USH2A: variants seen among roughly 807,000 people sequenced by gnomAD.
USH2A encodes usherin, also known as Usher syndrome 2A (autosomal recessive, mild).
A neutral mutation model predicts 538.9 loss-of-function variants in USH2A; 443 were observed. The observed-to-expected ratio is 0.82, with a 90% CI of 0.76 to 0.89. The LOEUF is 0.89. Among genes scored for constraint, USH2A ranks in the 40% least tolerant of loss-of-function variants. USH2A has a pLI of 0.00. For synonymous variants in USH2A, 2,413 were observed against 2,273.5 expected (o/e 1.06, Z -1.75); for missense variants, 6,633 against 6,324.8 (o/e 1.05, Z -1.65).
chr1:215,700,643 C>G (rs1424407061), intron 61 of USH2A, among the ~76,000 whole-genome samples: 2 of 152,132 alleles, frequency 1.3e-5, no homozygotes, highest in Non-Finnish European at 2.9e-5. Context: ...TCTGTGGGAT[C>G]AGTAGCGATA....
intron 37 of USH2A, among the ~76,000 whole-genome samples, chr1:215,951,983 G>A (rs1311220531): frequency 6.6e-6 from 1 of 151,344 alleles, no homozygotes; most frequent in Non-Finnish European, 1.5e-5. Flanking sequence ...TCCTGCCTCA[G>A]CCTCCCGAGT....
intron 9 of USH2A, among the ~76,000 whole-genome samples, chr1:216,301,044 C>A (rs1483309603): frequency 6.6e-6 from 1 of 151,994 alleles, no homozygotes; most frequent in African/African-American, 2.4e-5. Context: ...GCCACCATGA[C>A]AAGCCACACA....
At chr1:216,280,631 A>AT (rs2036756096) in intron 11 of USH2A, among the ~76,000 whole-genome samples, 1 of 152,152 alleles carries the variant, frequency 6.6e-6, no homozygotes, top group African/African-American at 2.4e-5. Context: ...TGGCATCAGT[A>AT]TTTTTAGGAT....
intron 32 of USH2A, among the ~76,000 whole-genome samples, chr1:216,033,809 C>T (rs2102513812): frequency 6.6e-6 from 1 of 152,240 alleles, no homozygotes; most frequent in South Asian, 2.1e-4. Flanking sequence ...GCACTCCATC[C>T]AGCCTGGGTG....
At chr1:216,295,450 C>T (rs1472685739) in intron 9 of USH2A, among the ~76,000 whole-genome samples, 2 of 151,410 alleles carry the variant, frequency 1.3e-5, no homozygotes, top group South Asian at 2.1e-4. Context: ...ATAAATACAC[C>T]TTAGAATTTT....
At chr1:215,919,436 T>G (rs931192249) in intron 38 of USH2A, among the ~76,000 whole-genome samples, 1 of 152,062 alleles carries the variant, frequency 6.6e-6, no homozygotes, top group Admixed American at 6.6e-5. Context: ...CAGACTCTGA[T>G]TGTATAACTT....
intron 58 of USH2A, among the ~76,000 whole-genome samples, chr1:215,743,745 G>A (rs1359138759): frequency 2.0e-5 from 3 of 150,884 alleles, no homozygotes; most frequent in South Asian, 2.1e-4. Context: ...GCTTGAACCC[G>A]GGAGGCAGAG....
chr1:216,338,624 C>T (rs1340483099), intron 4 of USH2A, among the ~76,000 whole-genome samples: 1 of 151,246 alleles, frequency 6.6e-6, no homozygotes, highest in Non-Finnish European at 1.5e-5. Flanking sequence ...AAAGTCAAAC[C>T]ACTGAAGGAA....
intron 38 of USH2A, among the ~76,000 whole-genome samples, chr1:215,931,770 G>T (rs1366498328): frequency 6.6e-6 from 1 of 152,008 alleles, no homozygotes; most frequent in Non-Finnish European, 1.5e-5. Context: ...AGATAGAAAT[G>T]TGAGTAAGAA....
chr1:216,088,949 A>G, intron 23 of USH2A, 64 bp downstream of exon 23: 1 of 1,601,310 alleles, frequency 6.2e-7, no homozygotes, highest in Non-Finnish European at 8.5e-7. Flanking sequence ...AATATAAACA[A>G]CAGAAAAGTA....
chr1:215,931,972 G>A (rs1010743074), intron 38 of USH2A, among the ~76,000 whole-genome samples: 5 of 151,916 alleles, frequency 3.3e-5, no homozygotes, highest in South Asian at 2.1e-4. Context: ...CAGATTAAAC[G>A]GGTAAAGGGG....
intron 37 of USH2A, among the ~76,000 whole-genome samples, chr1:215,951,896 C>G (rs926382345): frequency 6.6e-6 from 1 of 151,028 alleles, no homozygotes; most frequent in East Asian, 1.9e-4. Flanking sequence ...CTTGCTCTGT[C>G]GCCCAGGCTG....
chr1:215,885,297 T>G (rs1397974227), intron 41 of USH2A, among the ~76,000 whole-genome samples: 1 of 152,184 alleles, frequency 6.6e-6, no homozygotes, highest in Non-Finnish European at 1.5e-5. Context: ...TTTTTTGATG[T>G]TGAACCATCC....
chr1:215,707,616 A>C (rs1452388823), intron 61 of USH2A, among the ~76,000 whole-genome samples: 1 of 152,232 alleles, frequency 6.6e-6, no homozygotes. Context: ...TAGTTTATTT[A>C]AAACTCTCAG....
intron 44 of USH2A, among the ~76,000 whole-genome samples, chr1:215,853,932 T>C (rs1410196955): frequency 6.6e-6 from 1 of 152,218 alleles, no homozygotes; most frequent in Non-Finnish European, 1.5e-5. Context: ...TTTCCTGTCT[T>C]CTTCTGAATC....
intron 33 of USH2A, among the ~76,000 whole-genome samples, chr1:215,999,796 G>A (rs1051389822): frequency 7.9e-5 from 12 of 151,982 alleles, no homozygotes; most frequent in African/African-American, 2.2e-4. Context: ...AATATTTTTC[G>A]GCTTGAATAA....
chr1:215,818,809 T>C (rs1457213950), intron 47 of USH2A, among the ~76,000 whole-genome samples: 1 of 151,788 alleles, frequency 6.6e-6, no homozygotes, highest in Non-Finnish European at 1.5e-5. Context: ...AGACCACACA[T>C]CTATGCTATC....
At chr1:216,371,179 C>G (rs1391912951) in intron 3 of USH2A, among the ~76,000 whole-genome samples, 1 of 152,176 alleles carries the variant, frequency 6.6e-6, no homozygotes, top group Non-Finnish European at 1.5e-5. Flanking sequence ...AGTTCCAGTT[C>G]TAATTATTGA....
intron 22 of USH2A, among the ~76,000 whole-genome samples, chr1:216,091,857 C>T (rs541211539): frequency 1.3e-5 from 2 of 152,010 alleles, no homozygotes; most frequent in Non-Finnish European, 1.5e-5. Flanking sequence ...ATAAGCATCT[C>T]GTTTTTTCCT....
Sources: allele counts gnomAD v4.1 joint callset (sites outside exome capture counted in the v4.1 genomes callset), GRCh38; gene constraint gnomAD v4.1.1; transcripts MANE v1.5; gene names NCBI Gene and HGNC (gene_info 2026-07-23, HGNC 2026-07-21).